Variants in BANP observed in about 807,000 individuals in gnomAD.
BANP encodes protein BANP.
BANP carries 11 observed loss-of-function variants against 68.1 expected under a neutral mutation model. That is an observed-to-expected ratio of 0.16 (90% confidence interval 0.10 to 0.27). The LOEUF is 0.27. Among genes scored for constraint, BANP ranks in the 10% least tolerant of loss-of-function variants. The pLI is 1.00. For missense variants in BANP, 504 were observed against 722.7 expected (o/e 0.70, Z 3.47); for synonymous variants, 329 against 303.2 (o/e 1.09, Z -0.88).
chr16:87,990,343 A>G (rs2152493256), intron 4 of BANP, among the ~76,000 whole-genome samples: 1 of 152,306 alleles, frequency 6.6e-6, no homozygotes, highest in East Asian at 1.9e-4. Flanking sequence ...TATGTCTTCC[A>G]GAGATGTGTC....
intron 11 of BANP, among the ~76,000 whole-genome samples, chr16:88,044,809 C>T (rs7184353): frequency 0.47 from 71,742 of 152,016 alleles, 20,056 homozygotes; most frequent in Non-Finnish European, 0.65. Context: ...CGGTGAAACC[C>T]CTTCTCTACT....
At chr16:88,063,036 A>G (rs768052007) in intron 11 of BANP, among the ~76,000 whole-genome samples, 2 of 152,216 alleles carry the variant, frequency 1.3e-5, no homozygotes, top group African/African-American at 4.8e-5. Flanking sequence ...ATCAAGCCCA[A>G]ATCCACAAAC....
chr16:88,072,130 A>G lies in BANP; in HGVS notation c.1439A>G (p.Asp480Gly). ...TCGGACCCCGCGGCGGCGGGCGTGG[A>G]TGGGTCGCCACTCCAGGGCAGCGAC... ...ASSDPAAAGV[D>G]GSPLQGSDIQ... The change falls in exon 13 of 14, where the codon GAT becomes GGT. Residue 480 changes from aspartate (D) to glycine (G), a missense_variant. Asp to Gly is a moderately conservative substitution (Grantham distance 94, BLOSUM62 -1). Around this residue, in one of 3 missense-constraint regions of BANP, gnomAD observed 223 missense variants for 246.2 expected, o/e 0.91. Transcript: ENST00000682872. The G allele has an allele frequency of 6.2e-7, 1 of 1,609,844 alleles. No homozygotes were observed. Among genetic ancestry groups the G allele is most frequent in the Admixed American group, 1.7e-5 (1 of 59,826 alleles).
chr16:88,013,681 C>A (rs1224135017), intron 6 of BANP, among the ~76,000 whole-genome samples: 1 of 152,226 alleles, frequency 6.6e-6, no homozygotes. Flanking sequence ...ATGGTCTCTA[C>A]ACATGGGGCC....
At chr16:88,046,863 G>A (rs761104887) in intron 11 of BANP, among the ~76,000 whole-genome samples, 15 of 151,980 alleles carry the variant, frequency 9.9e-5, no homozygotes, top group Non-Finnish European at 1.6e-4. Context: ...TCAGGAGATC[G>A]AGACCGTCCT....
At chr16:88,034,688 C>G (rs1268393716) in intron 9 of BANP, among the ~76,000 whole-genome samples, 1 of 152,198 alleles carries the variant, frequency 6.6e-6, no homozygotes, top group East Asian at 1.9e-4. Context: ...TATTTCCCCT[C>G]TTTTCTGTGT....
chr16:87,987,204 A>G (rs9923562), intron 4 of BANP, among the ~76,000 whole-genome samples: 122,604 of 151,974 alleles, frequency 0.81, 50,181 homozygotes, highest in African/African-American at 0.94. Flanking sequence ...TCATCCTCCC[A>G]AGTAGCTGGG....
At chr16:87,996,589 G>A (rs914445521) in intron 4 of BANP, among the ~76,000 whole-genome samples, 4 of 144,324 alleles carry the variant, frequency 2.8e-5, no homozygotes, top group Admixed American at 1.4e-4. Flanking sequence ...CTGGGCCCTC[G>A]TCCTGGGCGC....
At chr16:88,034,595 G>T (rs1250282325) in intron 9 of BANP, among the ~76,000 whole-genome samples, 1 of 31,250 alleles carries the variant, frequency 3.2e-5, no homozygotes, top group Non-Finnish European at 6.4e-5. Context: ...CAGCTCCCCT[G>T]CTTCAGCCAC....
rs375667457 is a variant in BANP, at chr16:88,065,309, G to A, written c.1354G>A (p.Val452Ile). 9.3e-5 allele frequency: 72 copies of A among 770,060 alleles called. No homozygotes were observed. Among genetic ancestry groups the A allele is most frequent in the South Asian group, 1.2e-4 (9 of 74,486 alleles). 47.7% of individuals were successfully genotyped at this position (770,060 alleles called of 1,614,324 possible). The stretch of plus-strand genomic sequence containing the variant: ...CATCCCCTGCCTCCTGGCCCCATCC[G>A]TCTTCAAAGCCAGCAGTGGCCAGGT... ...TRIPCLLAPSVFKASSGQVLQ... is the reference protein window; with the variant it reads ...TRIPCLLAPSIFKASSGQVLQ... Residue 452 changes from valine to isoleucine, a missense_variant, in exon 12 of 14, where the codon GTC (valine) becomes ATC (isoleucine). Coordinates refer to ENST00000682872, the MANE Select transcript of BANP (RefSeq NM_001386991.1).
intron 1 of BANP, among the ~76,000 whole-genome samples, chr16:87,953,090 G>C (rs117600351): frequency 6.6e-6 from 1 of 151,898 alleles, no homozygotes; most frequent in African/African-American, 2.4e-5. Flanking sequence ...CAGAGGCTGC[G>C]TCCACTTTAT....
At chr16:88,020,703 C>T (rs1253953248) in intron 7 of BANP, among the ~76,000 whole-genome samples, 1 of 152,152 alleles carries the variant, frequency 6.6e-6, no homozygotes, top group South Asian at 2.1e-4. Flanking sequence ...GGGCCCTGTT[C>T]CCAGGTGAGG....
In BANP at chr16:88,004,447, C is replaced by A; in HGVS notation, c.479+36C>A. ...CGGCACCAACCCCACCTTTCCCTGC[C>A]ACTGTGCGGAGTCCCATGAGAATAA... is the stretch of plus-strand genomic sequence containing the variant. On this transcript the variant is annotated intron_variant, in intron 5 of 13. Coordinates refer to ENST00000682872, the MANE Select transcript of BANP (RefSeq NM_001386991.1). The surrounding 1 kb of genome is among the most constrained non-coding windows in gnomAD (Gnocchi z 7.0). 8.4e-7 allele frequency: 1 copy of A among 1,193,880 alleles called. No homozygotes were observed. Among genetic ancestry groups the A allele is most frequent in the Non-Finnish European group, 1.2e-6 (1 of 838,510 alleles). The allele number at this position is 1,193,880 out of a possible 1,614,324, so 74.0% of individuals were successfully genotyped here. A position where few individuals can be genotyped will look rare whatever the true frequency, so the allele number is the denominator to read the frequency against.
intron 5 of BANP, 21 bp from the exon 6 acceptor site, chr16:88,006,067 GGT>G: frequency 6.2e-7 from 1 of 1,613,380 alleles, no homozygotes; most frequent in South Asian, 1.1e-5. Flanking sequence ...ACATCGGGCT[GGT>G]GTGTTTTTTT....
chr16:87,953,610 C>T (rs1217473518), intron 1 of BANP, among the ~76,000 whole-genome samples: 3 of 152,156 alleles, frequency 2.0e-5, no homozygotes, highest in Admixed American at 6.5e-5. Flanking sequence ...CTGTGTTAGG[C>T]CTATGCAAAT....
intron 12 of BANP, among the ~76,000 whole-genome samples, chr16:88,066,534 G>A (rs895694559): frequency 1.2e-4 from 19 of 152,160 alleles, no homozygotes; most frequent in Admixed American, 3.9e-4. Flanking sequence ...AAAAACAAGT[G>A]CCTCCTGCTC....
chr16:87,967,910 C>T (rs549752542), intron 1 of BANP, among the ~76,000 whole-genome samples: 45 of 151,960 alleles, frequency 3.0e-4, no homozygotes, highest in Non-Finnish European at 5.0e-4. Flanking sequence ...TGTGAGCCAC[C>T]GTGCCTGGCC....
At chr16:88,020,096 T>C (rs1442871910) in intron 7 of BANP, among the ~76,000 whole-genome samples, 1 of 152,174 alleles carries the variant, frequency 6.6e-6, no homozygotes, top group Non-Finnish European at 1.5e-5. Context: ...TCCTCACAGC[T>C]TCTCAGCGGT....
chr16:88,070,435 A>G (rs888761593), intron 12 of BANP, among the ~76,000 whole-genome samples: 6 of 152,178 alleles, frequency 3.9e-5, no homozygotes, highest in African/African-American at 1.2e-4. Flanking sequence ...TCCTTCTTGT[A>G]TAGCATCTGT....
Sources: gnomAD v4.1 joint callset for allele counts (sites outside exome capture counted in the v4.1 genomes callset) on GRCh38, gnomAD v4.1.1 for gene constraint, gnomAD v4.1.1 regional missense constraint, Gnocchi (gnomAD v3.1) non-coding constraint, MANE v1.5 for transcripts, NCBI Gene and HGNC (gene_info 2026-07-23, HGNC 2026-07-21) for gene names.